RNF187: variants seen among roughly 807,000 people sequenced by gnomAD.
RNF187 encodes E3 ubiquitin-protein ligase RNF187.
RNF187 carries 18 observed loss-of-function variants against 22.2 expected under a neutral mutation model. That is an observed-to-expected ratio of 0.81 (90% CI 0.56 to 1.20). The LOEUF is 1.20. Among genes scored for constraint, RNF187 ranks in the 50% most tolerant of loss-of-function variants. The pLI is 0.00. For synonymous variants in RNF187, 164 were observed against 140.9 expected, an observed-to-expected ratio of 1.16 and a Z score of -1.16; for missense variants, 329 against 317.6, an observed-to-expected ratio of 1.04 and a Z score of -0.27.
intron 1 of RNF187, among the ~76,000 whole-genome samples, chr1:228,488,744 C>T: frequency 3.3e-5 from 5 of 152,210 alleles, no homozygotes; most frequent in South Asian, 2.1e-4. Context: ...CTAGACAGTC[C>T]CCTTAGCCCC....
At position 228,493,840 on chromosome 1, in the gene RNF187, T is replaced by C; in HGVS notation, c.706-43T>C. On this transcript the variant is annotated intron_variant, in intron 3 of 3. Transcript: ENST00000305943. This position sits in a 1 kb window ranked among gnomAD's most constrained non-coding sequence, Gnocchi z 4.7. Reference sequence around the variant, plus strand: ...CTGTCTCTGACTCTGTGTGTCTCTTTCTCTTTTTGTCTCTCTGTCTTTCCC... The same window carrying C: ...CTGTCTCTGACTCTGTGTGTCTCTTCCTCTTTTTGTCTCTCTGTCTTTCCC... 6.5e-7 allele frequency: 1 copy of C among 1,547,416 alleles called. No individual in the cohort carries two copies. The highest frequency in any genetic ancestry group is 8.7e-7 in the Non-Finnish European group (1 of 1,143,102).
intron 2 of RNF187, among the ~76,000 whole-genome samples, 188 bp downstream of exon 2, chr1:228,489,240 A>C: frequency 6.6e-6 from 1 of 152,204 alleles, no homozygotes; most frequent in African/African-American, 2.4e-5. Flanking sequence ...TCTCAAATAG[A>C]ATCTAGCCAA....
chr1:228,494,383 C>G lies in RNF187; in HGVS notation c.*498C>G. 1.1e-5 allele frequency: 11 copies of G among 1,017,132 alleles called. No individual in the cohort carries two copies. Among genetic ancestry groups the G allele is most frequent in the Non-Finnish European group, 1.3e-5 (11 of 848,022 alleles). The allele number at this position is 1,017,132 out of a possible 1,614,324, so 63.0% of individuals were successfully genotyped here. A position where few individuals can be genotyped will look rare whatever the true frequency, so the allele number is the denominator to read the frequency against. ...AGGTCTTCAGGGAGAGAAAGGAAGA[C>G]TGGATTGCACCTTGATGCCTCCTGA... is the stretch of plus-strand genomic sequence containing the variant. On this transcript the variant is annotated 3_prime_UTR_variant, in exon 4 of 4. Transcript: ENST00000305943.
In RNF187 at chr1:228,494,011, G is replaced by A; in HGVS notation, c.*126G>A. The A allele has an allele frequency of 1.3e-6, 2 of 1,548,474 alleles. No individual in the cohort carries two copies. The highest frequency in any genetic ancestry group is 1.2e-5 in the South Asian group (1 of 84,006). ...GCCTGGCCTTGGGTCCATCTACATA[G>A]TTGCGTGTTTCAACAATGTCCATTT... is the stretch of plus-strand genomic sequence containing the variant. On this transcript the variant is annotated 3_prime_UTR_variant, in exon 4 of 4. Transcript: ENST00000305943.
chr1:228,492,362 G>GT lies in RNF187; in HGVS notation c.484-680dup. On this transcript the variant is annotated intron_variant, in intron 2 of 3. Transcript: ENST00000305943. ...ACCGTGCCAGGCCTCTTCTGTTATT[G>GT]TTTTTTTTTTTGTTTTTTGTTTTTT... Among the ~76,000 whole-genome samples, 641 of 143,496 alleles carry GT rather than the reference G, an allele frequency of 4.5e-3. 4 individuals carry two copies. The highest frequency in any genetic ancestry group is 0.021 in the Middle Eastern group (6 of 282). 94.1% of individuals were successfully genotyped at this position (143,496 alleles called of 152,430 possible). A position where few individuals can be genotyped will look rare whatever the true frequency, so the allele number is the denominator to read the frequency against.
chr1:228,492,771 C>A, intron 2 of RNF187, among the ~76,000 whole-genome samples: 1 of 151,358 alleles, frequency 6.6e-6, no homozygotes, highest in Non-Finnish European at 1.5e-5. Flanking sequence ...GGATTACAGG[C>A]GTGCCACCAC....
At position 228,493,572 on chromosome 1, in the gene RNF187, G is replaced by A; in HGVS notation, c.705+298G>A. 6.6e-6 allele frequency among the ~76,000 whole-genome samples: 1 copy of A among 152,258 alleles called. No individual in the cohort carries two copies. Among genetic ancestry groups the A allele is most frequent in the African/African-American group, 2.4e-5 (1 of 41,470 alleles). On this transcript the variant is annotated intron_variant, in intron 3 of 3. Coordinates refer to ENST00000305943, the MANE Select transcript of RNF187 (RefSeq NM_001010858.3). The surrounding 1 kb of genome is among the most constrained non-coding windows in gnomAD (Gnocchi z 4.7). ...TCGCCCTGGGGTCCTGAAGGCAGAAGCAGCCAAGAAACCCAACCTCAGGGC... is the reference window on the plus strand; with the variant it reads ...TCGCCCTGGGGTCCTGAAGGCAGAAACAGCCAAGAAACCCAACCTCAGGGC...
chr1:228,489,064 G>T lies in RNF187; in HGVS notation c.483+12G>T. 1.3e-6 allele frequency: 2 copies of T among 1,542,738 alleles called. No homozygotes were observed. The highest frequency in any genetic ancestry group is 2.7e-5 in the African/African-American group (2 of 73,104). On this transcript the variant is annotated intron_variant, in intron 2 of 3. Coordinates refer to ENST00000305943, the MANE Select transcript of RNF187 (RefSeq NM_001010858.3). ...CTGCAGTGTGGAAGGCAAGTGGGGGGACCTGGGGCAGCCTGGAATGAGGGG... is the reference window on the plus strand; with the variant it reads ...CTGCAGTGTGGAAGGCAAGTGGGGGTACCTGGGGCAGCCTGGAATGAGGGG...
chr1:228,488,525 TG>T, intron 1 of RNF187: 2 of 160,470 alleles, frequency 1.2e-5, no homozygotes, highest in African/African-American at 4.8e-5. Flanking sequence ...ACAGCCAGCC[TG>T]GGGTCCTGCT....
rs1322601879 is a variant in RNF187 at position 228,487,505 on chromosome 1, G to A, written c.17G>A (p.Gly6Asp). Residue 6 changes from glycine (G) to aspartate (D), a missense_variant, in exon 1 of 4, where the codon GGC becomes GAC. Transcript: ENST00000305943. ...CCCGCAGCCCTGGCGCTCCCTGCGG[G>A]CCCCGCCGAGGCCGCCTGCGCCCTG... 2 of 1,141,336 alleles carry A rather than the reference G, an allele frequency of 1.8e-6. No individual in the cohort carries two copies. The highest frequency in any genetic ancestry group is 2.1e-6 in the Non-Finnish European group (2 of 933,036). The allele number at this position is 1,141,336 out of a possible 1,614,324, so 70.7% of individuals were successfully genotyped here.
At chr1:228,492,381 G>GA in intron 2 of RNF187, among the ~76,000 whole-genome samples, 1 of 146,802 alleles carries the variant, frequency 6.8e-6, no homozygotes, top group East Asian at 2.0e-4. Context: ...TTTGTTTTTT[G>GA]TTTTTTTTTG....
intron 2 of RNF187, among the ~76,000 whole-genome samples, chr1:228,491,400 A>T: frequency 1.4e-5 from 2 of 146,392 alleles, no homozygotes; most frequent in African/African-American, 2.7e-5. Context: ...AAAAAAAAAA[A>T]AAAAAAAAAT....
At chr1:228,489,539 G>A in intron 2 of RNF187, among the ~76,000 whole-genome samples, 3 of 152,080 alleles carry the variant, frequency 2.0e-5, no homozygotes, top group Non-Finnish European at 2.9e-5. Flanking sequence ...ACCTTAAGCG[G>A]TTCTCCCGCC....
intron 1 of RNF187, 120 bp downstream of exon 1, chr1:228,487,998 C>G: frequency 1.6e-6 from 1 of 610,700 alleles, no homozygotes; most frequent in Non-Finnish European, 2.1e-6. Flanking sequence ...CCCGGATTGT[C>G]CCCGTCCCCG....
chr1:228,494,914 T>G lies in RNF187; in HGVS notation c.*1029T>G. 1.0e-6 allele frequency: 1 copy of G among 985,414 alleles called. No homozygotes were observed. The highest frequency in any genetic ancestry group is 1.2e-6 in the Non-Finnish European group (1 of 829,972). The allele number at this position is 985,414 out of a possible 1,614,324, so 61.0% of individuals were successfully genotyped here. On this transcript the variant is annotated 3_prime_UTR_variant, in exon 4 of 4. Transcript: ENST00000305943. ...CGGCCCTTGGTGCGATGTCTGTGAG[T>G]TTGACCTGCCCAGCGTGTGGGCTGG...
At chr1:228,489,537 C>T in intron 2 of RNF187, among the ~76,000 whole-genome samples, 6 of 152,134 alleles carry the variant, frequency 3.9e-5, no homozygotes, top group Non-Finnish European at 8.8e-5. Context: ...TGACCTTAAG[C>T]GGTTCTCCCG....
Position 228,494,440 on chromosome 1 carries a change from G to C in RNF187, c.*555G>C. 1 of 992,552 alleles carries C rather than the reference G, an allele frequency of 1.0e-6. No individual in the cohort carries two copies. Among genetic ancestry groups the C allele is most frequent in the Non-Finnish European group, 1.2e-6 (1 of 833,910 alleles). 61.5% of individuals were successfully genotyped at this position (992,552 alleles called of 1,614,324 possible). A position where few individuals can be genotyped will look rare whatever the true frequency, so the allele number is the denominator to read the frequency against. On this transcript the variant is annotated 3_prime_UTR_variant, in exon 4 of 4. Transcript: ENST00000305943. ...GGCCCCCCTCTTGAGGTGGGCGTGG[G>C]CCCGGCCCAGCCTTATCCAAGTCGC... is the stretch of plus-strand genomic sequence containing the variant.
Position 228,495,688 on chromosome 1 carries a change from T to C in RNF187, c.*1803T>C. 1.0e-6 allele frequency: 1 copy of C among 985,456 alleles called. No individual in the cohort carries two copies. Among genetic ancestry groups the C allele is most frequent in the African/African-American group, 1.7e-5 (1 of 57,216 alleles). The allele number at this position is 985,456 out of a possible 1,614,324, so 61.0% of individuals were successfully genotyped here. ...GTGGCTTCACCATCCTCACCTAACC[T>C]AGCTGACCAGCAACATCCCACCCTG... On this transcript the variant is annotated 3_prime_UTR_variant, in exon 4 of 4. Coordinates refer to ENST00000305943, the MANE Select transcript of RNF187 (RefSeq NM_001010858.3).
chr1:228,494,321 GAA>G lies in RNF187; in HGVS notation c.*437_*438del. 4 of 1,080,152 alleles carry G rather than the reference GAA, an allele frequency of 3.7e-6. No individual in the cohort carries two copies. The highest frequency in any genetic ancestry group is 4.5e-6 in the Non-Finnish European group (4 of 885,092). The allele number at this position is 1,080,152 out of a possible 1,614,324, so 66.9% of individuals were successfully genotyped here. ...CGGATTTGGGGTTAGCATCCAGAAA[GAA>G]GAATGCGCATGACGCTCTGTGAAGG... On this transcript the variant is annotated 3_prime_UTR_variant, in exon 4 of 4. Transcript: ENST00000305943.
Sources: gnomAD v4.1 joint callset for allele counts (sites outside exome capture counted in the v4.1 genomes callset) on GRCh38, gnomAD v4.1.1 for gene constraint, Gnocchi (gnomAD v3.1) non-coding constraint, MANE v1.5 for transcripts, NCBI Gene and HGNC (gene_info 2026-07-23, HGNC 2026-07-21) for gene names.